Variants in TNKS2 observed in about 807,000 individuals in gnomAD.
TNKS2 encodes tankyrase 2.
Under a neutral mutation model 137.6 loss-of-function variants are expected in TNKS2, and 72 were observed. The observed-to-expected ratio is 0.52, with a 90% CI of 0.43 to 0.64. TNKS2 has a LOEUF of 0.64. Ranked by LOEUF, TNKS2 falls within the 30% of genes least tolerant of loss-of-function variation. TNKS2 has a pLI of 0.00. For synonymous variants in TNKS2, 516 were observed against 512.1 expected, an observed-to-expected ratio of 1.01 and a Z score of -0.10; for missense variants, 1,049 against 1,410.2, an observed-to-expected ratio of 0.74 and a Z score of 4.10.
In TNKS2 at chr10:91,853,577, A is replaced by G. The variant is rs538983898; in HGVS notation, c.2816-1452A>G. Among the ~76,000 whole-genome samples, 14 of 152,308 alleles carry G rather than the reference A, an allele frequency of 9.2e-5. No homozygotes were observed. The East Asian group carries it at 2.3e-3, about 25-fold the overall frequency. On this transcript the variant is annotated intron_variant, in intron 21 of 26. Transcript: ENST00000371627. ...TCATGCTGACTTAACAGCCTTACCT[A>G]TCATTCAATGCATCAAGTCAATAGA...
Position 91,859,447 on chromosome 10 carries a change from C to T in TNKS2, c.3095-15C>T, listed in dbSNP as rs765632904. The T allele has an allele frequency of 6.5e-7, 1 of 1,538,562 alleles. No individual in the cohort carries two copies. The highest frequency in any genetic ancestry group is 1.3e-5 in the South Asian group (1 of 76,012). ...TAAATTTTAAATTATTGTTACCCAT[C>T]TATATGTGTTTCAGGGTCTCCTTTT... On this transcript the variant is annotated splice_polypyrimidine_tract_variant and intron_variant, in intron 24 of 26. Coordinates refer to ENST00000371627, the MANE Select transcript of TNKS2 (RefSeq NM_025235.4).
intron 17 of TNKS2, 66 bp from the exon 18 acceptor site, chr10:91,845,686 T>A: frequency 7.7e-7 from 1 of 1,305,884 alleles, no homozygotes. Context: ...GTAACTAGTT[T>A]CATTTTAAGA....
rs576330931 is a variant in TNKS2, at chr10:91,811,435, G to A, written c.200-1548G>A. ...CCGTTCTCTGCTTTCCCCTAGTTTA[G>A]GAGTTCCCTTCTTTGAGCTCTAGTA... On this transcript the variant is annotated intron_variant, in intron 1 of 26. Coordinates refer to ENST00000371627, the MANE Select transcript of TNKS2 (RefSeq NM_025235.4). 9.9e-5 allele frequency among the ~76,000 whole-genome samples: 15 copies of A among 151,826 alleles called. No homozygotes were observed. In the South Asian group the frequency reaches 2.5e-3, roughly 25 times the overall value.
Position 91,851,132 on chromosome 10 carries a change from A to G in TNKS2, c.2695-84A>G, listed in dbSNP as rs149766299. ...TAAAATAATCTGGAGTAAATGTGTG[A>G]ATCTTACATATTATGAAAACACCAA... On this transcript the variant is annotated intron_variant, in intron 20 of 26. Transcript: ENST00000371627. 3.5e-5 allele frequency: 52 copies of G among 1,482,992 alleles called. No homozygotes were observed. The African/African-American group carries it at 6.7e-4, about 19-fold the overall frequency. 91.9% of individuals were successfully genotyped at this position (1,482,992 alleles called of 1,614,324 possible).
At chr10:91,809,632 A>ATCC (rs1291460085) in intron 1 of TNKS2, among the ~76,000 whole-genome samples, 3 of 151,282 alleles carry the variant, frequency 2.0e-5, no homozygotes, top group Non-Finnish European at 2.9e-5. Flanking sequence ...CGCCACTGCA[A>ATCC]TCCGGCCTGG....
intron 16 of TNKS2, among the ~76,000 whole-genome samples, chr10:91,843,673 C>CT: frequency 6.6e-6 from 1 of 152,278 alleles, no homozygotes. Flanking sequence ...AATCACTGAG[C>CT]TATAGCTAAT....
At chr10:91,800,345 G>A (rs1032016011) in intron 1 of TNKS2, among the ~76,000 whole-genome samples, 1 of 152,212 alleles carries the variant, frequency 6.6e-6, no homozygotes, top group Non-Finnish European at 1.5e-5. Flanking sequence ...TGATACATAA[G>A]CCAAAGGGTA....
rs763847805 is a variant in TNKS2 at position 91,855,662 on chromosome 10, A to T, written c.2962A>T (p.Ile988Phe). Reference sequence around the variant, plus strand: ...CAGAGATGGAGGTCATGCAGGTGGAATCTTCAACAGATACAATATTCTCAA... The same window carrying T: ...CAGAGATGGAGGTCATGCAGGTGGATTCTTCAACAGATACAATATTCTCAA... ...EHRDGGHAGG[I>F]FNRYNILKIQ... is the part of the protein sequence containing the mutation. Residue 988 changes from isoleucine to phenylalanine, a missense_variant, in exon 23 of 27, where the codon ATC (isoleucine) becomes TTC (phenylalanine). Transcript: ENST00000371627. 6.2e-7 allele frequency: 1 copy of T among 1,613,004 alleles called. No homozygotes were observed. The highest frequency in any genetic ancestry group is 8.5e-7 in the Non-Finnish European group (1 of 1,179,430).
intron 19 of TNKS2, 99 bp from the exon 20 acceptor site, chr10:91,849,413 C>A: frequency 2.3e-6 from 2 of 852,040 alleles, no homozygotes; most frequent in Non-Finnish European, 3.5e-6. Flanking sequence ...ATATTATTTT[C>A]TTCATATATA....
chr10:91,809,880 A>G (rs1844444007), intron 1 of TNKS2, among the ~76,000 whole-genome samples: 1 of 152,114 alleles, frequency 6.6e-6, no homozygotes, highest in Admixed American at 6.5e-5. Context: ...TTGTAGCAGT[A>G]TTTTTCAAAC....
At chr10:91,830,806 TCA>T in intron 9 of TNKS2, 115 bp from the exon 10 acceptor site, 1 of 920,422 alleles carries the variant, frequency 1.1e-6, no homozygotes, top group African/African-American at 1.7e-5. Context: ...CAAAGTTGCG[TCA>T]AAAGTAAAAC....
chr10:91,821,307 C>T (rs1367115141), intron 6 of TNKS2, among the ~76,000 whole-genome samples: 1 of 152,078 alleles, frequency 6.6e-6, no homozygotes, highest in Non-Finnish European at 1.5e-5. Flanking sequence ...GCTCAGATTA[C>T]AGGCATGAGC....
chr10:91,849,690 T>C (rs778767926), intron 20 of TNKS2, 96 bp downstream of exon 20: 1 of 878,362 alleles, frequency 1.1e-6, no homozygotes. Context: ...TGTAAGCTAT[T>C]GGGGGAGAAT....
At chr10:91,841,495 T>C (rs1206328068) in intron 15 of TNKS2, 47 bp downstream of exon 15, 2 of 1,411,804 alleles carry the variant, frequency 1.4e-6, no homozygotes, top group Non-Finnish European at 1.9e-6. Flanking sequence ...ACATAGCATA[T>C]GTTTATGGTT....
Position 91,863,090 on chromosome 10 carries a change from AT to A in TNKS2, c.*92del. Reference sequence around the variant, plus strand: ...TTTACTCCTTTGCTGAAAAAAAATCATCTTGCCCACAGGCCTGTGGCAAAAG... The same window carrying A: ...TTTACTCCTTTGCTGAAAAAAAATCACTTGCCCACAGGCCTGTGGCAAAAG... On this transcript the variant is annotated 3_prime_UTR_variant, in exon 27 of 27. Coordinates refer to ENST00000371627, the MANE Select transcript of TNKS2 (RefSeq NM_025235.4). 1 of 895,782 alleles carries A rather than the reference AT, an allele frequency of 1.1e-6. No individual in the cohort carries two copies. Among genetic ancestry groups the A allele is most frequent in the Non-Finnish European group, 1.8e-6 (1 of 570,702 alleles). The allele number at this position is 895,782 out of a possible 1,614,324, so 55.5% of individuals were successfully genotyped here.
At chr10:91,799,400 A>G (rs1457713702) in intron 1 of TNKS2, among the ~76,000 whole-genome samples, 1 of 152,204 alleles carries the variant, frequency 6.6e-6, no homozygotes, top group Non-Finnish European at 1.5e-5. Context: ...GTTTATCAGA[A>G]TAGCCAATCA....
At chr10:91,804,108 C>T (rs1201518479) in intron 1 of TNKS2, among the ~76,000 whole-genome samples, 3 of 152,040 alleles carry the variant, frequency 2.0e-5, no homozygotes, top group African/African-American at 7.2e-5. Context: ...AAACTGATGG[C>T]ATCTAGATAA....
Position 91,833,922 on chromosome 10 carries a change from T to A in TNKS2, c.1345T>A (p.Cys449Ser). Reference protein sequence around the residue: ...RAAYCGHLQTCRLLLSYGCDP... With the variant: ...RAAYCGHLQTSRLLLSYGCDP... ...TGCATATTGTGGTCATCTACAAACC[T>A]GCCGCCTACTCCTGAGCTATGGGTG... The change falls in exon 12 of 27, where the codon TGC becomes AGC. Residue 449 changes from cysteine to serine, a missense_variant. This residue lies in a region of TNKS2 where 328 missense variants were observed against 436.0 expected (regional missense o/e 0.75). Coordinates refer to ENST00000371627, the MANE Select transcript of TNKS2 (RefSeq NM_025235.4). The A allele has an allele frequency of 3.7e-6, 6 of 1,613,986 alleles. No homozygotes were observed. In the South Asian group the frequency reaches 6.6e-5, roughly 18 times the overall value.
chr10:91,840,737 T>G (rs749634175), intron 14 of TNKS2, 31 bp downstream of exon 14: 18 of 1,576,598 alleles, frequency 1.1e-5, no homozygotes, highest in Non-Finnish European at 1.6e-5. Context: ...TGGACTCTCT[T>G]CCTTACTTTT....
Sources: allele counts gnomAD v4.1 joint callset (sites outside exome capture counted in the v4.1 genomes callset), GRCh38; gene constraint gnomAD v4.1.1; regional missense constraint gnomAD v4.1.1; transcripts MANE v1.5; gene names NCBI Gene and HGNC (gene_info 2026-07-23, HGNC 2026-07-21).